The following ADGRB1 variants were observed in gnomAD, a reference collection of about 807,000 sequenced individuals.
ADGRB1 encodes the protein adhesion G protein-coupled receptor B1.
ADGRB1 carries 36 observed loss-of-function variants against 175.7 expected under a neutral mutation model. That is an observed-to-expected ratio of 0.20 (90% confidence interval 0.16 to 0.27). ADGRB1 has a LOEUF of 0.27. Ranked by LOEUF, ADGRB1 falls within the 10% of genes least tolerant of loss-of-function variation. The pLI, the probability that ADGRB1 is intolerant of heterozygous loss-of-function variation, is 1.00. For missense variants in ADGRB1, 1,731 were observed against 2,255.3 expected (o/e 0.77, Z 4.71); for synonymous variants, 1,054 against 979.4 (o/e 1.08, Z -1.42).
chr8:142,472,093 A>G (rs954124653), intron 2 of ADGRB1, among the ~76,000 whole-genome samples: 3 of 152,314 alleles, frequency 2.0e-5, no homozygotes, highest in African/African-American at 7.2e-5. Flanking sequence ...CTCTGCTGGC[A>G]ACAGACAGAA....
chr8:142,477,784 A>T (rs1841061715), intron 6 of ADGRB1, among the ~76,000 whole-genome samples: 1 of 151,816 alleles, frequency 6.6e-6, no homozygotes, highest in Non-Finnish European at 1.5e-5. Flanking sequence ...TTTCTCACCC[A>T]TATCCCAGGC....
intron 2 of ADGRB1, among the ~76,000 whole-genome samples, 155 bp from the exon 3 acceptor site, chr8:142,475,319 C>A (rs1563690281): frequency 6.6e-6 from 1 of 152,216 alleles, no homozygotes; most frequent in Non-Finnish European, 1.5e-5. Context: ...TGGGTAGACA[C>A]CAGACCCCCA....
chr8:142,535,641 G>T (rs914578912), intron 25 of ADGRB1, among the ~76,000 whole-genome samples: 2 of 152,210 alleles, frequency 1.3e-5, no homozygotes, highest in African/African-American at 4.8e-5. Context: ...AGGTGGGCAA[G>T]TCAGTCCCTC....
chr8:142,538,873 C>T (rs1213230449), intron 26 of ADGRB1, among the ~76,000 whole-genome samples: 1 of 152,130 alleles, frequency 6.6e-6, no homozygotes, highest in African/African-American at 2.4e-5. Flanking sequence ...TGCCGCAGGC[C>T]CAGAGCCATT....
In ADGRB1 at chr8:142,544,302, A is replaced by AGCTGGAGCC. The variant is rs1845463920; in HGVS notation, c.4645_4653dup (p.Glu1549_Leu1551dup). The AGCTGGAGCC allele has an allele frequency of 1.9e-6, 3 of 1,549,090 alleles. No homozygotes were observed. The highest frequency in any genetic ancestry group is 2.6e-6 in the Non-Finnish European group (3 of 1,146,512). The stretch of plus-strand genomic sequence containing the variant: ...GGGACGCCCACGTGGGTGAAGAAGG[A>AGCTGGAGCC]GCTGGAGCCGCTGCAGCCGTCGCCG... On this transcript the variant is annotated inframe_insertion, in exon 31 of 31. Coordinates refer to ENST00000517894, the MANE Select transcript of ADGRB1 (RefSeq NM_001702.3).
chr8:142,544,518 G>A lies in ADGRB1; in HGVS notation c.*101G>A. The A allele has an allele frequency of 4.5e-6, 6 of 1,318,766 alleles. No individual in the cohort carries two copies. Among genetic ancestry groups the A allele is most frequent in the Non-Finnish European group, 5.9e-6 (6 of 1,020,296 alleles). The allele number at this position is 1,318,766 out of a possible 1,614,324, so 81.7% of individuals were successfully genotyped here. A position where few individuals can be genotyped will look rare whatever the true frequency, so the allele number is the denominator to read the frequency against. On this transcript the variant is annotated 3_prime_UTR_variant, in exon 31 of 31. Transcript: ENST00000517894. ...AGACACGCTCGCGGGCAGCGGGCCA[G>A]GCCCGCACCCCGGCCTCAGGGCGCT... is the stretch of plus-strand genomic sequence containing the variant.
At chr8:142,518,430 C>G (rs556221922) in intron 19 of ADGRB1, among the ~76,000 whole-genome samples, 189 bp downstream of exon 19, 95 of 152,096 alleles carry the variant, frequency 6.2e-4, no homozygotes, top group Non-Finnish European at 1.2e-3. Flanking sequence ...GGTCCTGAGG[C>G]CACCCCACAC....
At chr8:142,481,463 T>G in intron 10 of ADGRB1, 54 bp from the exon 11 acceptor site, 3 of 1,578,318 alleles carry the variant, frequency 1.9e-6, no homozygotes, top group Non-Finnish European at 2.6e-6. Context: ...CCTGGGTGGC[T>G]GCCTGGACAT....
At chr8:142,497,482 G>A (rs1842277646) in intron 17 of ADGRB1, among the ~76,000 whole-genome samples, 1 of 152,120 alleles carries the variant, frequency 6.6e-6, no homozygotes, top group East Asian at 1.9e-4. Context: ...CCTGATGGGG[G>A]CAGAGGAGGC....
chr8:142,542,393 A>T lies in ADGRB1; in HGVS notation c.4159A>T (p.Ser1387Cys). 6 of 1,551,164 alleles carry T rather than the reference A, an allele frequency of 3.9e-6. No individual in the cohort carries two copies. The highest frequency in any genetic ancestry group is 5.2e-6 in the Non-Finnish European group (6 of 1,149,740). Residue 1387 changes from serine to cysteine, a missense_variant, in exon 28 of 31, where the codon AGC (serine) becomes TGC (cysteine). Physicochemically the swap from Ser to Cys is moderately radical, Grantham distance 112. Transcript: ENST00000517894. The surrounding 1 kb of genome is among the most constrained non-coding windows in gnomAD (Gnocchi z 6.3). The part of the protein sequence containing the change: ...LIHLSTAPEA[S>C]LPARSPPSRQ... Reference sequence around the variant, plus strand: ...CCACCTCAGCACGGCCCCCGAGGCCAGCCTCCCCGCCCGCAGCCCGCCCTC... The same window carrying T: ...CCACCTCAGCACGGCCCCCGAGGCCTGCCTCCCCGCCCGCAGCCCGCCCTC...
chr8:142,470,394 C>CGT (rs146603254), intron 2 of ADGRB1, among the ~76,000 whole-genome samples: 65 of 151,732 alleles, frequency 4.3e-4, no homozygotes, highest in Non-Finnish European at 6.5e-4. Context: ...TGTGTGTCCT[C>CGT]GTGTGTGTGT....
intron 24 of ADGRB1, among the ~76,000 whole-genome samples, chr8:142,528,851 A>G (rs1306166778): frequency 1.3e-5 from 2 of 152,158 alleles, no homozygotes; most frequent in Non-Finnish European, 2.9e-5. Context: ...CTGGCAGCAC[A>G]AGGCACCGCG....
At chr8:142,527,695 G>C (rs1032570877) in intron 24 of ADGRB1, among the ~76,000 whole-genome samples, 2 of 152,182 alleles carry the variant, frequency 1.3e-5, no homozygotes, top group Admixed American at 1.3e-4. Flanking sequence ...GTCACACTCA[G>C]AAGAGGTCCC....
Position 142,533,316 on chromosome 8 carries a change from C to A in ADGRB1, c.3420C>A (p.Cys1140Ter). 6.4e-7 allele frequency: 1 copy of A among 1,559,654 alleles called. No individual in the cohort carries two copies. The highest frequency in any genetic ancestry group is 2.3e-5 in the East Asian group (1 of 42,558). ...CCAGGGCCTCCCTGTGGAGCTCCTG[C>A]GTGGTGCTGCCGCTGCTGGCGCTGA... is the stretch of plus-strand genomic sequence containing the variant. ...ERAGASLWSSCVVLPLLALTW... is the reference protein window; with the variant it reads ...ERAGASLWSS Residue 1140 changes from cysteine (C) to a stop codon, truncating the protein, a stop_gained, in exon 25 of 31, where the codon TGC becomes TGA. Transcript: ENST00000517894. LOFTEE classifies it high-confidence loss of function.
Position 142,482,950 on chromosome 8 carries a change from T to G in ADGRB1, c.2131-1027T>G, listed in dbSNP as rs534629548. On this transcript the variant is annotated intron_variant, in intron 11 of 30. Coordinates refer to ENST00000517894, the MANE Select transcript of ADGRB1 (RefSeq NM_001702.3). ...CTGAGCCCTGATCCTGATCATACACTGAGCCCTGACCCTGGTCACACTGAG... is the reference window on the plus strand; with the variant it reads ...CTGAGCCCTGATCCTGATCATACACGGAGCCCTGACCCTGGTCACACTGAG... Among the ~76,000 whole-genome samples, 938 of 146,900 alleles carry G rather than the reference T, an allele frequency of 6.4e-3. 7 individuals are homozygous for G. The highest frequency in any genetic ancestry group is 0.023 in the African/African-American group (897 of 38,992).
At chr8:142,470,109 G>A (rs944361316) in intron 2 of ADGRB1, among the ~76,000 whole-genome samples, 1 of 152,164 alleles carries the variant, frequency 6.6e-6, no homozygotes, top group African/African-American at 2.4e-5. Context: ...GTCAGACTCT[G>A]CAAACACTCC....
intron 13 of ADGRB1, among the ~76,000 whole-genome samples, chr8:142,487,792 C>T (rs575358961): frequency 6.6e-6 from 1 of 152,342 alleles, no homozygotes; most frequent in South Asian, 2.1e-4. Context: ...CCTTCCGCAC[C>T]CCCAATGCCT....
intron 2 of ADGRB1, among the ~76,000 whole-genome samples, chr8:142,466,129 T>A (rs915995750): frequency 1.3e-5 from 2 of 151,854 alleles, no homozygotes; most frequent in African/African-American, 4.8e-5. Flanking sequence ...ATTGGAGGGG[T>A]TTGAGTTTGC....
Position 142,533,193 on chromosome 8 carries a change from T to C in ADGRB1, c.3399-102T>C, listed in dbSNP as rs2132226094. 3.1e-6 allele frequency: 4 copies of C among 1,277,914 alleles called. No individual in the cohort carries two copies. The East Asian group carries it at 1.0e-4, about 33-fold the overall frequency. The allele number at this position is 1,277,914 out of a possible 1,614,324, so 79.2% of individuals were successfully genotyped here. On this transcript the variant is annotated intron_variant, in intron 24 of 30. Transcript: ENST00000517894. ...GGCCCCCAGAGACAGAGACGGGGAC[T>C]TAGGGCTGGGTCCCCACCGAGGCCT...
Sources: gnomAD v4.1 joint callset for allele counts (sites outside exome capture counted in the v4.1 genomes callset) on GRCh38, gnomAD v4.1.1 for gene constraint, Gnocchi (gnomAD v3.1) non-coding constraint, MANE v1.5 for transcripts, NCBI Gene and HGNC (gene_info 2026-07-23, HGNC 2026-07-21) for gene names.